PCDHA10: variants seen among roughly 807,000 people sequenced by gnomAD.
PCDHA10 encodes protocadherin alpha 10.
Under a neutral mutation model 61.2 loss-of-function variants are expected in PCDHA10, and 45 were observed. The observed-to-expected ratio is 0.74, with a 90% CI of 0.58 to 0.94. The LOEUF (loss-of-function observed/expected upper bound fraction) is 0.94, where lower values mean the gene tolerates loss of function less well. Ranked by LOEUF, PCDHA10 falls within the 40% of genes least tolerant of loss-of-function variation. The probability of loss-of-function intolerance (pLI) is 0.00; values close to 1 mark genes in which losing one functional copy is unlikely to be tolerated. For missense variants in PCDHA10, 1,278 were observed against 1,236.2 expected, an observed-to-expected ratio of 1.03 and a Z score of -0.51; for synonymous variants, 602 against 548.8, an observed-to-expected ratio of 1.10 and a Z score of -1.35.
At chr5:140,915,694 G>A (rs2077262169) in intron 1 of PCDHA10, among the ~76,000 whole-genome samples, 1 of 151,538 alleles carries the variant, frequency 6.6e-6, no homozygotes, top group African/African-American at 2.4e-5. Flanking sequence ...GTATGGTGAT[G>A]CAAGCACTCC....
intron 1 of PCDHA10, chr5:140,877,314 G>C (rs2057020187): frequency 6.2e-7 from 1 of 1,613,972 alleles, no homozygotes; most frequent in Non-Finnish European, 8.5e-7. Flanking sequence ...TGCAACCGGC[G>C]GCGGTCGGCG....
intron 1 of PCDHA10, chr5:140,864,039 A>G (rs1287126881): frequency 6.5e-6 from 1 of 152,908 alleles, no homozygotes; most frequent in Non-Finnish European, 1.5e-5. Context: ...CATCTTAATC[A>G]CTTTTTACTA....
chr5:140,914,458 A>T (rs1294717004), intron 1 of PCDHA10, among the ~76,000 whole-genome samples: 2 of 152,004 alleles, frequency 1.3e-5, no homozygotes, highest in African/African-American at 4.8e-5. Flanking sequence ...TTTCCAGTCT[A>T]TGTGTATCTT....
intron 1 of PCDHA10, chr5:140,884,343 C>T (rs368888498): frequency 1.2e-6 from 2 of 1,613,900 alleles, no homozygotes; most frequent in Non-Finnish European, 1.7e-6. Context: ...CCAGAAGCGG[C>T]GCTGGTGGAT....
At chr5:140,995,860 A>C (rs1220139939) in intron 3 of PCDHA10, among the ~76,000 whole-genome samples, 1 of 152,220 alleles carries the variant, frequency 6.6e-6, no homozygotes, top group Non-Finnish European at 1.5e-5. Flanking sequence ...CGTATCACTT[A>C]ATAATTGTGC....
chr5:140,898,593 C>A (rs1236439193), intron 1 of PCDHA10, among the ~76,000 whole-genome samples: 13 of 152,146 alleles, frequency 8.5e-5, no homozygotes, highest in Admixed American at 1.3e-4. Flanking sequence ...GTTACTGTAG[C>A]CTTGTAGTAT....
chr5:140,864,430 A>G (rs2048477187), intron 1 of PCDHA10: 1 of 152,190 alleles, frequency 6.6e-6, no homozygotes, highest in South Asian at 2.1e-4. Flanking sequence ...GTCCACAAAC[A>G]ATTTTGTTTC....
chr5:140,981,959 A>C (rs76200785), intron 2 of PCDHA10, among the ~76,000 whole-genome samples: 3,104 of 152,312 alleles, frequency 0.02, 114 homozygotes, highest in African/African-American at 0.071. Flanking sequence ...TCATCTATGC[A>C]TAAAAGATAT....
At chr5:140,928,495 A>G in intron 1 of PCDHA10, 2 of 1,614,206 alleles carry the variant, frequency 1.2e-6, no homozygotes, top group South Asian at 1.1e-5. Flanking sequence ...CATTCCTCCC[A>G]GAAGTGCAAC....
Position 140,857,882 on chromosome 5 carries a change from T to A in PCDHA10, c.1834T>A (p.Ser612Thr). 6.3e-7 allele frequency: 1 copy of A among 1,597,334 alleles called. No individual in the cohort carries two copies. The highest frequency in any genetic ancestry group is 8.6e-7 in the Non-Finnish European group (1 of 1,167,386). The change falls in exon 1 of 4, where the codon TCG (serine) becomes ACG (threonine). Residue 612 changes from serine to threonine, a missense_variant. By Grantham distance (58) the Ser-to-Thr change is moderately conservative. Coordinates refer to ENST00000307360, the MANE Select transcript of PCDHA10 (RefSeq NM_018901.4). ...YNAWLSYELQ[S>T]AAVGARIPFR... ...CGCGTGGCTGTCGTATGAATTGCAG[T>A]CGGCGGCGGTTGGTGCACGCATCCC... is the stretch of plus-strand genomic sequence containing the variant.
intron 3 of PCDHA10, among the ~76,000 whole-genome samples, chr5:141,004,044 T>G (rs2098148933): frequency 6.6e-6 from 1 of 152,234 alleles, no homozygotes; most frequent in African/African-American, 2.4e-5. Context: ...ATTGATCATT[T>G]GCTGATACTG....
chr5:140,955,571 G>A (rs1371078633), intron 1 of PCDHA10, among the ~76,000 whole-genome samples: 2 of 152,158 alleles, frequency 1.3e-5, no homozygotes, highest in Non-Finnish European at 2.9e-5. Flanking sequence ...ACTGAACTGT[G>A]AGTCAATTAA....
At position 140,928,737 on chromosome 5, in the gene PCDHA10, A is replaced by G. The variant is rs140056024; in HGVS notation, c.2389-50212A>G. On this transcript the variant is annotated intron_variant, in intron 1 of 3. Coordinates refer to ENST00000307360, the MANE Select transcript of PCDHA10 (RefSeq NM_018901.4). ...GTCTCTTTAGAATTTCAGCCAATAT[A>G]GGTGAGCTCCGTACTGCTCGCTTAG... is the stretch of plus-strand genomic sequence containing the variant. 5.6e-6 allele frequency: 9 copies of G among 1,614,000 alleles called. No homozygotes were observed. In the African/African-American group the frequency reaches 8.0e-5, roughly 14 times the overall value.
chr5:140,920,060 G>T (rs565038135), intron 1 of PCDHA10, among the ~76,000 whole-genome samples: 1 of 152,264 alleles, frequency 6.6e-6, no homozygotes, highest in African/African-American at 2.4e-5. Context: ...CCAACACCTG[G>T]AAAAGGCAGA....
intron 3 of PCDHA10, among the ~76,000 whole-genome samples, chr5:141,007,395 C>CAAAAAAAAAAAAAAAA (rs35800918): frequency 3.2e-5 from 3 of 94,864 alleles, no homozygotes; most frequent in Non-Finnish European, 4.1e-5. Flanking sequence ...TACTAAAATA[C>CAAAAAAAAAAAAAAAA]AAAAAAAAAA....
intron 3 of PCDHA10, 56 bp downstream of exon 3, chr5:140,982,619 C>G (rs561557496): frequency 7.5e-6 from 12 of 1,589,654 alleles, no homozygotes; most frequent in Middle Eastern, 3.4e-4. Context: ...GATCAGATGA[C>G]CTACTTTTGT....
At chr5:140,867,702 A>G (rs560641093) in intron 1 of PCDHA10, 1 of 152,136 alleles carries the variant, frequency 6.6e-6, no homozygotes, top group Admixed American at 6.5e-5. Flanking sequence ...TTCCTCCTAA[A>G]TCCTAAGGGT....
At chr5:141,001,451 A>T (rs2098018648) in intron 3 of PCDHA10, among the ~76,000 whole-genome samples, 1 of 152,310 alleles carries the variant, frequency 6.6e-6, no homozygotes, top group African/African-American at 2.4e-5. Flanking sequence ...TTCCACTGTC[A>T]ATTGAAGGAC....
At position 140,870,948 on chromosome 5, in the gene PCDHA10, C is replaced by T. The variant is rs868931274; in HGVS notation, c.2388+12512C>T. ...CATATGAATTGCAGCCGGCGGCGGG[C>T]GGCTCGCGCATCCCGTTCCGCGTGG... On this transcript the variant is annotated intron_variant, in intron 1 of 3. Coordinates refer to ENST00000307360, the MANE Select transcript of PCDHA10 (RefSeq NM_018901.4). 3.0e-5 allele frequency: 49 copies of T among 1,613,584 alleles called. 1 individual carries two copies. The Middle Eastern group carries it at 7.0e-3, about 229-fold the overall frequency.
Sources: allele counts gnomAD v4.1 joint callset (sites outside exome capture counted in the v4.1 genomes callset), GRCh38; gene constraint gnomAD v4.1.1; transcripts MANE v1.5; gene names NCBI Gene and HGNC (gene_info 2026-07-23, HGNC 2026-07-21).